DPYD: variants seen among roughly 807,000 people sequenced by gnomAD.
The protein encoded by DPYD is dihydropyrimidine dehydrogenase [NADP(+)].
DPYD carries 109 observed loss-of-function variants against 116.2 expected under a neutral mutation model. That is an observed-to-expected ratio of 0.94 (90% confidence interval 0.80 to 1.10). DPYD has a LOEUF of 1.10. Ranked by LOEUF, DPYD falls within the 50% of genes least tolerant of loss-of-function variation. The pLI, the probability that DPYD is intolerant of heterozygous loss-of-function variation, is 0.00. For synonymous variants in DPYD, 440 were observed against 432.0 expected (o/e 1.02, Z -0.23); for missense variants, 1,302 against 1,254.5 (o/e 1.04, Z -0.57).
chr1:97,665,804 G>A (rs565869950), intron 8 of DPYD, among the ~76,000 whole-genome samples: 1 of 152,220 alleles, frequency 6.6e-6, no homozygotes, highest in South Asian at 2.1e-4. Flanking sequence ...AAAAAGTTAA[G>A]GACATCTTCT....
In DPYD at chr1:97,538,440, G is replaced by A. The variant is rs184972837; in HGVS notation, c.1524+11120C>T. On this transcript the variant is annotated intron_variant, in intron 12 of 22. Coordinates refer to ENST00000370192, the MANE Select transcript of DPYD (RefSeq NM_000110.4). ...GCAGATTTGAACTAGTGACCAAGAG[G>A]TTAAAGGCTCTGTATCTCATTACCA... Among the ~76,000 whole-genome samples the A allele has an allele frequency of 5.9e-5, 9 of 152,258 alleles. No homozygotes were observed. In the East Asian group the frequency reaches 1.5e-3, roughly 26 times the overall value.
chr1:97,718,995 A>G (rs1307647061), intron 5 of DPYD, among the ~76,000 whole-genome samples: 1 of 151,752 alleles, frequency 6.6e-6, no homozygotes, highest in African/African-American at 2.4e-5. Context: ...GGATTAAAAT[A>G]TTACTAGGGA....
At chr1:97,236,657 A>G (rs1441894286) in intron 18 of DPYD, among the ~76,000 whole-genome samples, 3 of 152,180 alleles carry the variant, frequency 2.0e-5, no homozygotes, top group Non-Finnish European at 4.4e-5. Context: ...ATTTACACAC[A>G]CACACACAAA....
chr1:97,127,931 A>G (rs929613756), intron 20 of DPYD, among the ~76,000 whole-genome samples: 1 of 152,154 alleles, frequency 6.6e-6, no homozygotes, highest in Non-Finnish European at 1.5e-5. Flanking sequence ...CAAACCATGT[A>G]TGTATTGCTA....
intron 12 of DPYD, among the ~76,000 whole-genome samples, chr1:97,528,656 C>T (rs1031980715): frequency 6.6e-6 from 1 of 152,140 alleles, no homozygotes; most frequent in Non-Finnish European, 1.5e-5. Context: ...ACACTACCAT[C>T]CATCAAGCTT....
chr1:97,682,950 T>C (rs1660505566), intron 7 of DPYD, among the ~76,000 whole-genome samples: 1 of 152,074 alleles, frequency 6.6e-6, no homozygotes, highest in Non-Finnish European at 1.5e-5. Context: ...AAGTTCCATC[T>C]AATAGTCTCT....
intron 3 of DPYD, among the ~76,000 whole-genome samples, chr1:97,752,321 CACAT>C (rs1204223214): frequency 4.5e-4 from 66 of 146,202 alleles, no homozygotes; most frequent in South Asian, 1.7e-3. Context: ...CACACACACA[CACAT>C]ACACACATAC....
At chr1:97,732,664 T>A (rs1307698205) in intron 4 of DPYD, among the ~76,000 whole-genome samples, 1 of 152,034 alleles carries the variant, frequency 6.6e-6, no homozygotes, top group Non-Finnish European at 1.5e-5. Flanking sequence ...TGTCTTTAAC[T>A]CTAGTAAATT....
chr1:97,660,615 T>TTC (rs539773053), intron 8 of DPYD, among the ~76,000 whole-genome samples: 1 of 151,642 alleles, frequency 6.6e-6, no homozygotes, highest in Non-Finnish European at 1.5e-5. Flanking sequence ...TCAAGGTTCT[T>TTC]TCTCTCTCTC....
chr1:97,905,090 T>C (rs1673543485), intron 1 of DPYD, among the ~76,000 whole-genome samples: 1 of 152,060 alleles, frequency 6.6e-6, no homozygotes, highest in African/African-American at 2.4e-5. Flanking sequence ...AAATAAAGAA[T>C]TTCATAGATT....
At chr1:97,084,140 A>C (rs1022556671) in intron 21 of DPYD, among the ~76,000 whole-genome samples, 10 of 152,070 alleles carry the variant, frequency 6.6e-5, no homozygotes, top group African/African-American at 2.4e-4. Flanking sequence ...AATTAGGCAC[A>C]GGCTTACCAC....
chr1:97,700,137 AAAGTT>A (rs1446750268), intron 5 of DPYD: 1 of 437,428 alleles, frequency 2.3e-6, no homozygotes, highest in Non-Finnish European at 4.6e-6. Context: ...AAGTAAGAAC[AAAGTT>A]AAGTGACCAG....
At chr1:97,623,673 G>A (rs1004528940) in intron 8 of DPYD, among the ~76,000 whole-genome samples, 3 of 151,830 alleles carry the variant, frequency 2.0e-5, no homozygotes. Context: ...AATAGCCAAT[G>A]CAATCATGAG....
At chr1:97,653,484 T>C (rs539013867) in intron 8 of DPYD, among the ~76,000 whole-genome samples, 37 of 152,102 alleles carry the variant, frequency 2.4e-4, no homozygotes, top group African/African-American at 8.4e-4. Flanking sequence ...TTTGTATTTT[T>C]AGTAGAGACA....
chr1:97,369,518 C>A (rs1008110667), intron 16 of DPYD, among the ~76,000 whole-genome samples: 8 of 152,116 alleles, frequency 5.3e-5, no homozygotes, highest in African/African-American at 1.9e-4. Flanking sequence ...AAGTGCAGGT[C>A]TAGAAGCCAC....
chr1:97,752,952 A>G (rs1451987290), intron 3 of DPYD, among the ~76,000 whole-genome samples: 3 of 152,200 alleles, frequency 2.0e-5, no homozygotes. Context: ...GCAATAATCC[A>G]GTTTTTGTAC....
At position 97,103,011 on chromosome 1, in the gene DPYD, G is replaced by A. The variant is rs192320382; in HGVS notation, c.2623-4379C>T. Among the ~76,000 whole-genome samples the A allele has an allele frequency of 1.1e-3, 165 of 152,138 alleles. 2 individuals carry two copies. Among genetic ancestry groups the A allele is most frequent in the African/African-American group, 3.9e-3 (163 of 41,544 alleles). On this transcript the variant is annotated intron_variant, in intron 20 of 22. Transcript: ENST00000370192. ...CTTGGATACCTAAAATAAAAAATATGGGAGCAGTGTGGTATAATGGTTGAG... is the reference window on the plus strand; with the variant it reads ...CTTGGATACCTAAAATAAAAAATATAGGAGCAGTGTGGTATAATGGTTGAG...
At chr1:97,777,727 G>C (rs1666494149) in intron 3 of DPYD, among the ~76,000 whole-genome samples, 1 of 152,134 alleles carries the variant, frequency 6.6e-6, no homozygotes, top group African/African-American at 2.4e-5. Context: ...TTGATATATG[G>C]TTGATGATGA....
At chr1:97,649,142 C>T (rs1658435867) in intron 8 of DPYD, among the ~76,000 whole-genome samples, 1 of 152,006 alleles carries the variant, frequency 6.6e-6, no homozygotes, top group African/African-American at 2.4e-5. Flanking sequence ...TTATATTTTC[C>T]TATGTTTGCC....
Sources: allele counts gnomAD v4.1 joint callset (sites outside exome capture counted in the v4.1 genomes callset), GRCh38; gene constraint gnomAD v4.1.1; transcripts MANE v1.5; gene names NCBI Gene and HGNC (gene_info 2026-07-23, HGNC 2026-07-21).